CDH13: variants seen among roughly 807,000 people sequenced by gnomAD.
The protein encoded by CDH13 is cadherin 13, also known as cadherin-13.
In CDH13, 24 loss-of-function variants were observed where a neutral mutation model predicts 63.8. That is an observed-to-expected ratio of 0.38 (90% CI 0.27 to 0.53). The LOEUF (loss-of-function observed/expected upper bound fraction) is 0.53. CDH13 is among the 20% of genes least tolerant of loss of function. The pLI, the probability that CDH13 is intolerant of heterozygous loss-of-function variation, is 0.85. For synonymous variants in CDH13, 503 were observed against 355.3 expected (o/e 1.42, Z -4.67); for missense variants, 1,049 against 903.1 (o/e 1.16, Z -2.07).
intron 7 of CDH13, among the ~76,000 whole-genome samples, chr16:83,553,414 G>C (rs1013792644): frequency 2.0e-5 from 3 of 152,152 alleles, no homozygotes; most frequent in African/African-American, 7.2e-5. Context: ...GGTGTTTCTT[G>C]CTAGCTCTTT....
intron 4 of CDH13, among the ~76,000 whole-genome samples, chr16:83,130,278 A>T (rs996147986): frequency 2.4e-4 from 37 of 152,368 alleles, no homozygotes; most frequent in African/African-American, 8.4e-4. Context: ...AATGAGACTC[A>T]GGGGTGACGT....
chr16:82,750,629 TA>T (rs1486957818), intron 1 of CDH13, among the ~76,000 whole-genome samples: 22 of 152,200 alleles, frequency 1.4e-4, no homozygotes, highest in Admixed American at 1.4e-3. Flanking sequence ...AGGAAGACCT[TA>T]AATAATAGCT....
chr16:83,166,807 A>T (rs1454718773), intron 4 of CDH13, among the ~76,000 whole-genome samples: 1 of 152,156 alleles, frequency 6.6e-6, no homozygotes. Flanking sequence ...TTACAGAATG[A>T]GGTGTTCTTA....
chr16:82,770,502 T>C (rs1487037226), intron 1 of CDH13, among the ~76,000 whole-genome samples: 1 of 152,236 alleles, frequency 6.6e-6, no homozygotes, highest in Non-Finnish European at 1.5e-5. Context: ...TCAAAAATCA[T>C]ATATTCACTA....
chr16:83,457,546 TGTC>T (rs374029986), intron 6 of CDH13, among the ~76,000 whole-genome samples: 1 of 152,298 alleles, frequency 6.6e-6, no homozygotes, highest in African/African-American at 2.4e-5. Flanking sequence ...TCACAGATGT[TGTC>T]GTTGTCATCA....
intron 4 of CDH13, among the ~76,000 whole-genome samples, chr16:83,132,453 CTTTT>C (rs566939460): frequency 2.2e-5 from 2 of 92,924 alleles, no homozygotes; most frequent in African/African-American, 8.8e-5. Context: ...ACACCCCCCC[CTTTT>C]TTTTTTTTTG....
chr16:83,726,681 A>T (rs1423440028), intron 10 of CDH13, among the ~76,000 whole-genome samples: 1 of 152,044 alleles, frequency 6.6e-6, no homozygotes, highest in Non-Finnish European at 1.5e-5. Flanking sequence ...TAAAAATACA[A>T]AAAAAAATTA....
At chr16:82,767,924 G>A (rs756857790) in intron 1 of CDH13, among the ~76,000 whole-genome samples, 12 of 152,310 alleles carry the variant, frequency 7.9e-5, no homozygotes, top group Non-Finnish European at 1.6e-4. Context: ...CGAGCCAAAA[G>A]GAGTGGATCT....
At chr16:83,649,180 C>A (rs1912128049) in intron 8 of CDH13, among the ~76,000 whole-genome samples, 1 of 152,246 alleles carries the variant, frequency 6.6e-6, no homozygotes, top group South Asian at 2.1e-4. Flanking sequence ...TTGGAGTGAG[C>A]CTTCCTGCTC....
At chr16:82,967,077 A>G (rs904647623) in intron 2 of CDH13, among the ~76,000 whole-genome samples, 1 of 152,152 alleles carries the variant, frequency 6.6e-6, no homozygotes, top group Non-Finnish European at 1.5e-5. Context: ...TTTCGTGACC[A>G]TGACATAGTT....
intron 8 of CDH13, among the ~76,000 whole-genome samples, chr16:83,620,132 C>G (rs1446205114): frequency 2.0e-5 from 3 of 152,136 alleles, no homozygotes; most frequent in Non-Finnish European, 4.4e-5. Flanking sequence ...GTGGCTCACG[C>G]CTGTAATCCC....
At chr16:83,424,327 G>A (rs762855632) in intron 6 of CDH13, among the ~76,000 whole-genome samples, 7 of 152,222 alleles carry the variant, frequency 4.6e-5, no homozygotes, top group Non-Finnish European at 8.8e-5. Flanking sequence ...ATGGACTGCT[G>A]TGCACCAGCC....
chr16:82,857,743 C>T lies in CDH13; in HGVS notation c.46-619C>T, dbSNP rs539174185. Among the ~76,000 whole-genome samples, 20 of 152,278 alleles carry T rather than the reference C, an allele frequency of 1.3e-4. No individual in the cohort carries two copies. The East Asian group carries it at 3.7e-3, about 28-fold the overall frequency. ...CATATGTAAAATATTGTCATTTCAA[C>T]ATGTAATTAATATGAAATTATTGAC... On this transcript the variant is annotated intron_variant, in intron 1 of 13. Transcript: ENST00000567109.
rs541803407 is a variant in CDH13 at position 83,300,949 on chromosome 16, C to T, written c.637-43913C>T. Among the ~76,000 whole-genome samples, 3 of 149,684 alleles carry T rather than the reference C, an allele frequency of 2.0e-5. No individual in the cohort carries two copies. In the South Asian group the frequency reaches 6.4e-4, roughly 32 times the overall value. On this transcript the variant is annotated intron_variant, in intron 5 of 13. Coordinates refer to ENST00000567109, the MANE Select transcript of CDH13 (RefSeq NM_001257.5). ...TAGATTTCCTCTTCACCAAGTGGCA[C>T]ATGTGTCCTGAAAATGTTAAACTGT...
chr16:83,138,056 C>G (rs919337526), intron 4 of CDH13, among the ~76,000 whole-genome samples: 2 of 151,972 alleles, frequency 1.3e-5, no homozygotes, highest in African/African-American at 2.4e-5. Flanking sequence ...ATGGAGGAGA[C>G]AGAAGAACGC....
chr16:83,287,313 C>G (rs1341783868), intron 5 of CDH13, among the ~76,000 whole-genome samples: 1 of 152,204 alleles, frequency 6.6e-6, no homozygotes, highest in African/African-American at 2.4e-5. Context: ...CGGGGGTCCT[C>G]AACCACGGGC....
chr16:82,799,940 A>G (rs750827219), intron 1 of CDH13, among the ~76,000 whole-genome samples: 5 of 152,166 alleles, frequency 3.3e-5, no homozygotes, highest in Non-Finnish European at 5.9e-5. Flanking sequence ...GGAACCGTGG[A>G]ACCACTGCGT....
intron 13 of CDH13, 32 bp from the exon 14 acceptor site, chr16:83,794,991 T>G: frequency 6.3e-7 from 1 of 1,583,790 alleles, no homozygotes; most frequent in Non-Finnish European, 8.6e-7. Context: ...GTGGTGATAT[T>G]CCCGACTTAA....
At chr16:83,060,301 C>T (rs1409048539) in intron 3 of CDH13, among the ~76,000 whole-genome samples, 1 of 152,132 alleles carries the variant, frequency 6.6e-6, no homozygotes, top group Non-Finnish European at 1.5e-5. Context: ...GTCAGTCCAG[C>T]TGAAAAATTG....
Sources: allele counts gnomAD v4.1 joint callset (sites outside exome capture counted in the v4.1 genomes callset), GRCh38; gene constraint gnomAD v4.1.1; transcripts MANE v1.5; gene names NCBI Gene and HGNC (gene_info 2026-07-23, HGNC 2026-07-21).